Variants in PRDM16 observed in about 807,000 individuals in gnomAD.
The protein encoded by PRDM16 is PR/SET domain 16.
Under a neutral mutation model 110.6 loss-of-function variants are expected in PRDM16, and 23 were observed. The observed-to-expected ratio is 0.21, with a 90% confidence interval of 0.15 to 0.29. PRDM16 has a LOEUF of 0.29. PRDM16 is among the 10% of genes least tolerant of loss of function. The probability of loss-of-function intolerance (pLI) is 1.00; values close to 1 mark genes in which losing one functional copy is unlikely to be tolerated. For missense variants in PRDM16, 1,615 were observed against 1,794.3 expected (o/e 0.90, Z 1.81); for synonymous variants, 799 against 781.8 (o/e 1.02, Z -0.37).
At chr1:3,345,889 A>G (rs1373851801) in intron 3 of PRDM16, among the ~76,000 whole-genome samples, 1 of 151,880 alleles carries the variant, frequency 6.6e-6, no homozygotes, top group African/African-American at 2.4e-5. Flanking sequence ...CACTCCACCC[A>G]GAGCTACACA....
intron 2 of PRDM16, among the ~76,000 whole-genome samples, chr1:3,200,260 G>A (rs540295001): frequency 2.0e-5 from 3 of 152,348 alleles, no homozygotes; most frequent in African/African-American, 7.2e-5. Flanking sequence ...GATGGGGGCT[G>A]AAGCCTGCAC....
At chr1:3,214,645 C>T (rs936436913) in intron 2 of PRDM16, among the ~76,000 whole-genome samples, 24 of 152,156 alleles carry the variant, frequency 1.6e-4, no homozygotes, top group African/African-American at 4.6e-4. Flanking sequence ...TGCAGTGAGC[C>T]GAGATACATT....
At chr1:3,300,581 A>G (rs1641186830) in intron 3 of PRDM16, among the ~76,000 whole-genome samples, 1 of 152,164 alleles carries the variant, frequency 6.6e-6, no homozygotes, top group African/African-American at 2.4e-5. Context: ...TCCTCCAGCA[A>G]TTCTTCGTTC....
At chr1:3,122,654 T>C (rs1437020043) in intron 1 of PRDM16, among the ~76,000 whole-genome samples, 1 of 152,144 alleles carries the variant, frequency 6.6e-6, no homozygotes. Context: ...ACCGCAGCCC[T>C]GCCCTCCTTC....
At chr1:3,421,216 C>G (rs1452896718) in intron 12 of PRDM16, among the ~76,000 whole-genome samples, 1 of 152,186 alleles carries the variant, frequency 6.6e-6, no homozygotes, top group Non-Finnish European at 1.5e-5. Context: ...GGAGACCTCA[C>G]TGGATCCTAG....
intron 1 of PRDM16, among the ~76,000 whole-genome samples, chr1:3,140,895 G>A (rs1197858451): frequency 6.6e-6 from 1 of 152,230 alleles, no homozygotes; most frequent in African/African-American, 2.4e-5. Flanking sequence ...AGCTGGCGTG[G>A]GTGCCCCTGG....
At chr1:3,123,786 T>C (rs1410690831) in intron 1 of PRDM16, among the ~76,000 whole-genome samples, 3 of 152,234 alleles carry the variant, frequency 2.0e-5, no homozygotes, top group Non-Finnish European at 2.9e-5. Flanking sequence ...ATTGCCCCAG[T>C]GGCGAGACAT....
intron 5 of PRDM16, among the ~76,000 whole-genome samples, chr1:3,399,168 T>C (rs1643429442): frequency 6.6e-6 from 1 of 152,242 alleles, no homozygotes; most frequent in Non-Finnish European, 1.5e-5. Context: ...AGAAAGTCAC[T>C]TCCATTCCCA....
At chr1:3,264,606 G>A (rs1640243489) in intron 3 of PRDM16, among the ~76,000 whole-genome samples, 1 of 149,210 alleles carries the variant, frequency 6.7e-6, no homozygotes, top group South Asian at 2.1e-4. Context: ...AAAGGGGAGG[G>A]GTGTAGATGG....
At chr1:3,123,929 C>T (rs763390337) in intron 1 of PRDM16, among the ~76,000 whole-genome samples, 7 of 152,322 alleles carry the variant, frequency 4.6e-5, no homozygotes, top group Non-Finnish European at 7.3e-5. Flanking sequence ...CACCTGGGCT[C>T]GGGTGGGGCA....
intron 1 of PRDM16, among the ~76,000 whole-genome samples, chr1:3,171,798 G>A (rs1309316299): frequency 2.0e-5 from 3 of 152,110 alleles, no homozygotes; most frequent in Non-Finnish European, 4.4e-5. Flanking sequence ...GGAAGCCTCC[G>A]GGTGAGAGGT....
intron 4 of PRDM16, among the ~76,000 whole-genome samples, chr1:3,388,237 A>C (rs1027171033): frequency 6.6e-6 from 1 of 151,984 alleles, no homozygotes; most frequent in Non-Finnish European, 1.5e-5. Context: ...CCACACACAA[A>C]CACACACAAG....
At position 3,190,382 on chromosome 1, in the gene PRDM16, C is replaced by T. The variant is rs1638271320; in HGVS notation, c.387+3908C>T. ...GTTTCCTCCGGCCTCAGTTGCTGGTCGGAAGCCTGCATTCCTTCTACGCTG... is the reference window on the plus strand; with the variant it reads ...GTTTCCTCCGGCCTCAGTTGCTGGTTGGAAGCCTGCATTCCTTCTACGCTG... On this transcript the variant is annotated intron_variant, in intron 2 of 16. Coordinates refer to ENST00000270722, the MANE Select transcript of PRDM16 (RefSeq NM_022114.4). The surrounding 1 kb of genome is among the most constrained non-coding windows in gnomAD (Gnocchi z 5.0). 6.6e-6 allele frequency among the ~76,000 whole-genome samples: 1 copy of T among 152,158 alleles called. No individual in the cohort carries two copies. Among genetic ancestry groups the T allele is most frequent in the Admixed American group, 6.6e-5 (1 of 15,266 alleles).
chr1:3,344,624 T>C (rs190779826), intron 3 of PRDM16, among the ~76,000 whole-genome samples: 230 of 152,326 alleles, frequency 1.5e-3, no homozygotes, highest in Non-Finnish European at 2.4e-3. Context: ...ATGTTGTAGA[T>C]GACATTGTAG....
chr1:3,172,188 C>T (rs1388426170), intron 1 of PRDM16, among the ~76,000 whole-genome samples: 3 of 152,120 alleles, frequency 2.0e-5, no homozygotes, highest in Admixed American at 6.5e-5. Context: ...CGGCTCTGAA[C>T]GTCCCCCACG....
intron 3 of PRDM16, among the ~76,000 whole-genome samples, chr1:3,323,226 G>A (rs1295406117): frequency 1.3e-5 from 2 of 152,190 alleles, no homozygotes; most frequent in African/African-American, 4.8e-5. Flanking sequence ...GGTCTCACCG[G>A]TACAGGTGGG....
chr1:3,358,492 G>T lies in PRDM16; in HGVS notation c.439-26660G>T, dbSNP rs886700903. 1.3e-5 allele frequency among the ~76,000 whole-genome samples: 2 copies of T among 152,180 alleles called. No individual in the cohort carries two copies. The highest frequency in any genetic ancestry group is 2.9e-5 in the Non-Finnish European group (2 of 68,028). On this transcript the variant is annotated intron_variant, in intron 3 of 16. Transcript: ENST00000270722. The surrounding 1 kb of genome is among the most constrained non-coding windows in gnomAD (Gnocchi z 4.0). ...GCTGCGCCCCAGACTCCCAGCCGCGGCTTCGGATGCAGCTGGAATAAGGTT... is the reference window on the plus strand; with the variant it reads ...GCTGCGCCCCAGACTCCCAGCCGCGTCTTCGGATGCAGCTGGAATAAGGTT...
intron 8 of PRDM16, among the ~76,000 whole-genome samples, chr1:3,407,512 G>C (rs889737719): frequency 1.3e-5 from 2 of 152,214 alleles, no homozygotes; most frequent in African/African-American, 4.8e-5. Flanking sequence ...CTGGGCAGGA[G>C]TCAGGGGCTG....
In PRDM16 at chr1:3,092,584, G is replaced by A. The variant is rs576588067; in HGVS notation, c.37+23288G>A. ...TTTCTGGTCAGCGAGTGGGAAATGAGTGGGAGGCACACACTGCATCCCCCT... is the reference window on the plus strand; with the variant it reads ...TTTCTGGTCAGCGAGTGGGAAATGAATGGGAGGCACACACTGCATCCCCCT... On this transcript the variant is annotated intron_variant, in intron 1 of 16. Transcript: ENST00000270722. 1.1e-4 allele frequency among the ~76,000 whole-genome samples: 17 copies of A among 152,342 alleles called. 1 individual carries two copies. The East Asian group carries it at 2.7e-3, about 24-fold the overall frequency.
Sources: gnomAD v4.1 joint callset for allele counts (sites outside exome capture counted in the v4.1 genomes callset) on GRCh38, gnomAD v4.1.1 for gene constraint, Gnocchi (gnomAD v3.1) non-coding constraint, MANE v1.5 for transcripts, NCBI Gene and HGNC (gene_info 2026-07-23, HGNC 2026-07-21) for gene names.